The following DGKI variants were observed in gnomAD, a reference collection of about 807,000 sequenced individuals.
DGKI encodes the protein diacylglycerol kinase iota, also known as DAG kinase iota.
In DGKI, 55 loss-of-function variants were observed where a neutral mutation model predicts 147.5. The observed-to-expected ratio is 0.37, with a 90% CI of 0.30 to 0.47. The LOEUF (loss-of-function observed/expected upper bound fraction) is 0.47, where lower values mean the gene tolerates loss of function less well. Ranked by LOEUF, DGKI falls within the 20% of genes least tolerant of loss-of-function variation. The pLI, the probability that DGKI is intolerant of heterozygous loss-of-function variation, is 1.00. For synonymous variants in DGKI, 469 were observed against 477.1 expected, an observed-to-expected ratio of 0.98 and a Z score of 0.22; for missense variants, 1,007 against 1,323.8, an observed-to-expected ratio of 0.76 and a Z score of 3.71.
At chr7:137,411,825 G>C (rs1180954820) in intron 29 of DGKI, among the ~76,000 whole-genome samples, 2 of 152,200 alleles carry the variant, frequency 1.3e-5, no homozygotes, top group East Asian at 3.9e-4. Context: ...CCTGAAGGAT[G>C]CATTTCTGAG....
At chr7:137,428,188 A>G (rs1057434210) in intron 28 of DGKI, among the ~76,000 whole-genome samples, 1 of 148,948 alleles carries the variant, frequency 6.7e-6, no homozygotes, top group Non-Finnish European at 1.5e-5. Flanking sequence ...CAGCACATCA[A>G]AAAGCTTATC....
chr7:137,684,435 T>C (rs1036088362), intron 2 of DGKI, among the ~76,000 whole-genome samples: 1 of 152,260 alleles, frequency 6.6e-6, no homozygotes, highest in African/African-American at 2.4e-5. Context: ...AAAGTGTGGC[T>C]ACTAGAAAAT....
At chr7:137,706,477 C>CTTATTTTATTTTATTTTATTTTATT (rs147205940) in intron 1 of DGKI, among the ~76,000 whole-genome samples, 1 of 147,494 alleles carries the variant, frequency 6.8e-6, no homozygotes, top group African/African-American at 2.5e-5. Flanking sequence ...CCAAAACATC[C>CTTATTTTATTTTATTTTATTTTATT]TTATTTTATT....
At chr7:137,725,947 T>C (rs1794706013) in intron 1 of DGKI, among the ~76,000 whole-genome samples, 1 of 152,224 alleles carries the variant, frequency 6.6e-6, no homozygotes, top group Non-Finnish European at 1.5e-5. Flanking sequence ...AGCTGTCATA[T>C]AGTACAGTAT....
intron 28 of DGKI, among the ~76,000 whole-genome samples, chr7:137,424,717 C>T (rs566412193): frequency 1.3e-5 from 2 of 152,304 alleles, no homozygotes; most frequent in East Asian, 1.9e-4. Context: ...GCTTAAAAAA[C>T]GGCACACCAG....
intron 1 of DGKI, among the ~76,000 whole-genome samples, chr7:137,708,455 C>T (rs571696041): frequency 1.3e-5 from 2 of 152,320 alleles, no homozygotes; most frequent in Admixed American, 6.5e-5. Context: ...TAACCACTGG[C>T]AGCTCTCAAA....
At chr7:137,615,313 TTAGA>T (rs1820492053) in intron 8 of DGKI, among the ~76,000 whole-genome samples, 1 of 152,124 alleles carries the variant, frequency 6.6e-6, no homozygotes, top group Non-Finnish European at 1.5e-5. Context: ...GCCCAGTGAC[TTAGA>T]TAGTTCTAGC....
intron 1 of DGKI, among the ~76,000 whole-genome samples, chr7:137,700,446 A>AG (rs748458603): frequency 1.4e-4 from 21 of 152,234 alleles, no homozygotes; most frequent in Non-Finnish European, 2.5e-4. Flanking sequence ...TTTTCATAGC[A>AG]GATAAAGGAA....
chr7:137,660,922 A>G (rs1822403101), intron 3 of DGKI, among the ~76,000 whole-genome samples: 1 of 152,086 alleles, frequency 6.6e-6, no homozygotes, highest in Non-Finnish European at 1.5e-5. Flanking sequence ...GCCTGGGGTT[A>G]GCTACTTTCA....
chr7:137,483,843 T>C (rs1403239928), intron 23 of DGKI, among the ~76,000 whole-genome samples: 2 of 152,102 alleles, frequency 1.3e-5, no homozygotes, highest in African/African-American at 2.4e-5. Flanking sequence ...ATCCAGTCTA[T>C]CGTTGATGGG....
At chr7:137,642,857 GAA>G (rs775755516) in intron 6 of DGKI, among the ~76,000 whole-genome samples, 1 of 130,526 alleles carries the variant, frequency 7.7e-6, no homozygotes, top group Admixed American at 7.8e-5. Context: ...CCATCAGTTG[GAA>G]AAAAAAAAAA....
intron 1 of DGKI, among the ~76,000 whole-genome samples, chr7:137,733,933 C>T (rs536343271): frequency 1.3e-5 from 2 of 152,192 alleles, no homozygotes; most frequent in East Asian, 3.9e-4. Flanking sequence ...ACTAATGCTG[C>T]TGCACAGATC....
chr7:137,566,897 TTCTC>T (rs1182722149), intron 19 of DGKI, among the ~76,000 whole-genome samples: 3 of 106,090 alleles, frequency 2.8e-5, no homozygotes, highest in East Asian at 4.9e-4. Context: ...TTTTGAGATA[TTCTC>T]TCTTTTATGT....
intron 1 of DGKI, among the ~76,000 whole-genome samples, chr7:137,780,974 C>T (rs1796500946): frequency 6.6e-6 from 1 of 152,232 alleles, no homozygotes. Context: ...GGCTTCACAT[C>T]TGTCCTCAGC....
At chr7:137,495,056 C>T (rs1029105605) in intron 21 of DGKI, among the ~76,000 whole-genome samples, 1 of 151,982 alleles carries the variant, frequency 6.6e-6, no homozygotes, top group African/African-American at 2.4e-5. Context: ...CAAAGAACAA[C>T]ATTACATAAT....
intron 20 of DGKI, among the ~76,000 whole-genome samples, chr7:137,527,802 C>T (rs1466050271): frequency 2.0e-5 from 3 of 151,838 alleles, no homozygotes; most frequent in Non-Finnish European, 2.9e-5. Flanking sequence ...TAATGAATTG[C>T]CTTAACTTCT....
At chr7:137,719,546 T>C (rs1794483598) in intron 1 of DGKI, among the ~76,000 whole-genome samples, 1 of 152,098 alleles carries the variant, frequency 6.6e-6, no homozygotes, top group South Asian at 2.1e-4. Context: ...ACGGGATTCA[T>C]CTGAGGCTGG....
intron 20 of DGKI, among the ~76,000 whole-genome samples, chr7:137,549,094 A>G (rs1156888645): frequency 2.0e-5 from 3 of 152,366 alleles, no homozygotes; most frequent in Non-Finnish European, 2.9e-5. Context: ...CAGGAACAGG[A>G]CAAATGAATG....
chr7:137,591,551 A>C (rs1369590683), intron 12 of DGKI, among the ~76,000 whole-genome samples: 2 of 152,162 alleles, frequency 1.3e-5, no homozygotes, highest in African/African-American at 4.8e-5. Context: ...CACAGCGCAG[A>C]AGTGTGGGGC....
Sources: allele counts gnomAD v4.1 joint callset (sites outside exome capture counted in the v4.1 genomes callset), GRCh38; gene constraint gnomAD v4.1.1; transcripts MANE v1.5; gene names NCBI Gene and HGNC (gene_info 2026-07-23, HGNC 2026-07-21).